The following GRIP1 variants were observed in gnomAD, a reference collection of about 807,000 sequenced individuals.
The protein encoded by GRIP1 is glutamate receptor interacting protein 1.
A neutral mutation model predicts 129.9 loss-of-function variants in GRIP1; 45 were observed. The observed-to-expected ratio is 0.35, with a 90% CI of 0.27 to 0.44. The LOEUF (loss-of-function observed/expected upper bound fraction) is 0.44, where lower values mean the gene tolerates loss of function less well. GRIP1 is among the 20% of genes least tolerant of loss of function. GRIP1 has a pLI of 1.00. For missense variants in GRIP1, 1,196 were observed against 1,396.8 expected (o/e 0.86, Z 2.29); for synonymous variants, 530 against 520.8 (o/e 1.02, Z -0.24).
At chr12:66,595,207 A>AAATCTAACAT (rs1339892703) in intron 2 of GRIP1, among the ~76,000 whole-genome samples, 1 of 152,228 alleles carries the variant, frequency 6.6e-6, no homozygotes, top group African/African-American at 2.4e-5. Context: ...AGTGACTTTT[A>AAATCTAACAT]AATCTAACAT....
intron 1 of GRIP1, among the ~76,000 whole-genome samples, chr12:66,778,773 A>T (rs2038067101): frequency 6.6e-6 from 1 of 152,210 alleles, no homozygotes; most frequent in Non-Finnish European, 1.5e-5. Context: ...AAACAGTCTG[A>T]TATATTCGAT....
At chr12:66,418,443 CACA>C (rs1412952048) in intron 15 of GRIP1, among the ~76,000 whole-genome samples, 7 of 151,924 alleles carry the variant, frequency 4.6e-5, no homozygotes, top group Admixed American at 2.6e-4. Flanking sequence ...CAAATGGGAT[CACA>C]ACAAGTGAAA....
rs77561992 is a variant in GRIP1 at position 66,374,144 on chromosome 12, A to G, written c.2779-2217T>C. On this transcript the variant is annotated intron_variant, in intron 22 of 24. Coordinates refer to ENST00000359742, the MANE Select transcript of GRIP1 (RefSeq NM_001366722.1). ...ACTGGCTTCATTGGTGTCATGGGATATTCTTTATTTTATGGCACTTACTCA... is the reference window on the plus strand; with the variant it reads ...ACTGGCTTCATTGGTGTCATGGGATGTTCTTTATTTTATGGCACTTACTCA... Among the ~76,000 whole-genome samples, 66 of 152,182 alleles carry G rather than the reference A, an allele frequency of 4.3e-4. No individual in the cohort carries two copies. The East Asian group carries it at 8.9e-3, about 20-fold the overall frequency.
At chr12:66,818,309 G>A (rs55995063) in intron 1 of GRIP1, among the ~76,000 whole-genome samples, 39,821 of 152,046 alleles carry the variant, frequency 0.26, 6,374 homozygotes, top group Non-Finnish European at 0.36. Context: ...ATATTAGGAA[G>A]CTGCCAAGTT....
chr12:66,402,820 CT>C (rs2057052867), intron 16 of GRIP1, among the ~76,000 whole-genome samples: 1 of 152,190 alleles, frequency 6.6e-6, no homozygotes, highest in South Asian at 2.1e-4. Context: ...TTATATCAAA[CT>C]TTCAAAATCA....
At chr12:66,994,687 C>T (rs554610971) in intron 1 of GRIP1, among the ~76,000 whole-genome samples, 1 of 151,672 alleles carries the variant, frequency 6.6e-6, no homozygotes, top group East Asian at 1.9e-4. Context: ...AAATGTTGAA[C>T]GAAATGAACA....
At chr12:66,707,503 T>TAAAAAA (rs58564255) in intron 1 of GRIP1, among the ~76,000 whole-genome samples, 4 of 64,036 alleles carry the variant, frequency 6.2e-5, no homozygotes, top group Non-Finnish European at 9.1e-5. Context: ...AATCACTGAC[T>TAAAAAA]AAAAAAAAAA....
intron 1 of GRIP1, among the ~76,000 whole-genome samples, chr12:67,003,768 CCTAT>C (rs150733126): frequency 0.047 from 7,093 of 151,704 alleles, 293 homozygotes; most frequent in African/African-American, 0.11. Flanking sequence ...CCCTCTTTCT[CCTAT>C]CTATTTTTAA....
chr12:66,752,081 C>G (rs1036551557), intron 1 of GRIP1, among the ~76,000 whole-genome samples: 2 of 152,032 alleles, frequency 1.3e-5, no homozygotes, highest in East Asian at 3.9e-4. Flanking sequence ...ACAAATCATT[C>G]ATGAAAATGC....
intron 1 of GRIP1, among the ~76,000 whole-genome samples, chr12:66,897,227 T>C (rs1324389707): frequency 6.6e-6 from 1 of 152,202 alleles, no homozygotes; most frequent in Non-Finnish European, 1.5e-5. Context: ...TATGTGTCAA[T>C]GCTCTTTTCA....
intron 1 of GRIP1, among the ~76,000 whole-genome samples, chr12:66,657,308 C>T (rs550366917): frequency 5.9e-5 from 9 of 152,160 alleles, no homozygotes; most frequent in Non-Finnish European, 1.2e-4. Context: ...CCGCCCCATT[C>T]GCCGCCACAC....
chr12:66,516,746 A>T (rs2060855170), intron 6 of GRIP1, among the ~76,000 whole-genome samples: 1 of 152,200 alleles, frequency 6.6e-6, no homozygotes, highest in Non-Finnish European at 1.5e-5. Flanking sequence ...AAACTCTTGG[A>T]CATTTTGTTA....
chr12:66,884,764 C>T (rs1260694158), intron 1 of GRIP1, among the ~76,000 whole-genome samples: 9 of 151,934 alleles, frequency 5.9e-5, no homozygotes, highest in Non-Finnish European at 1.0e-4. Flanking sequence ...CAGAAAAGAA[C>T]AAAAAATAAT....
rs144574565 is a variant in GRIP1 at position 66,851,182 on chromosome 12, T to C, written c.58+217868A>G. Among the ~76,000 whole-genome samples, 901 of 151,582 alleles carry C rather than the reference T, an allele frequency of 5.9e-3. 3 individuals carry two copies. Among genetic ancestry groups the C allele is most frequent in the Non-Finnish European group, 9.1e-3 (615 of 67,848 alleles). On this transcript the variant is annotated intron_variant, in intron 1 of 1. Transcript: ENST00000643019. Reference sequence around the variant, plus strand: ...AATTTGGGAATAGAGGCCATAGAGGTAATATGTTAGTAAGCATTAGCTGTT... The same window carrying C: ...AATTTGGGAATAGAGGCCATAGAGGCAATATGTTAGTAAGCATTAGCTGTT...
intron 1 of GRIP1, among the ~76,000 whole-genome samples, chr12:66,677,590 C>T (rs183429721): frequency 4.3e-4 from 66 of 152,302 alleles, no homozygotes; most frequent in African/African-American, 1.6e-3. Context: ...CAGCCTCCTG[C>T]TAATAGCCTA....
chr12:66,695,763 T>C (rs1004641364), intron 1 of GRIP1, among the ~76,000 whole-genome samples: 14 of 152,210 alleles, frequency 9.2e-5, no homozygotes, highest in Non-Finnish European at 1.8e-4. Flanking sequence ...CATTTACATA[T>C]GCAGGGTATC....
In GRIP1 at chr12:66,445,392, C is replaced by T. The variant is rs745834706; in HGVS notation, c.1471G>A (p.Val491Met). The T allele has an allele frequency of 3.1e-6, 5 of 1,614,080 alleles. No individual in the cohort carries two copies. The highest frequency in any genetic ancestry group is 1.3e-5 in the African/African-American group (1 of 74,942). Residue 491 changes from valine (V) to methionine (M), a missense_variant, in exon 12 of 25, where the codon GTG becomes ATG. This residue lies in a region of GRIP1 where 508 missense variants were observed against 587.0 expected (regional missense o/e 0.87). Coordinates refer to ENST00000359742, the MANE Select transcript of GRIP1 (RefSeq NM_001366722.1). ...TGFGIQLQGS[V>M]FATETLSSPP... ...GAAGAGAGAGTTTCTGTGGCAAACA[C>T]ACTGCCCTGCAGTTGGATCCCAAAT...
At chr12:66,394,417 G>C (rs1049146653) in intron 16 of GRIP1, 65 bp from the exon 17 acceptor site, 3 of 1,293,776 alleles carry the variant, frequency 2.3e-6, no homozygotes, top group Non-Finnish European at 3.4e-6. Context: ...AAGATGCATA[G>C]ATTCATACAT....
At chr12:66,451,006 C>T (rs1280029067) in intron 11 of GRIP1, among the ~76,000 whole-genome samples, 1 of 152,126 alleles carries the variant, frequency 6.6e-6, no homozygotes, top group Admixed American at 6.5e-5. Context: ...ATTCAGTCGT[C>T]ATTGCTGCAA....
Sources: allele counts gnomAD v4.1 joint callset (sites outside exome capture counted in the v4.1 genomes callset), GRCh38; gene constraint gnomAD v4.1.1; regional missense constraint gnomAD v4.1.1; transcripts MANE v1.5; gene names NCBI Gene and HGNC (gene_info 2026-07-23, HGNC 2026-07-21).